The following CELF2 variants were observed in gnomAD, a reference collection of about 807,000 sequenced individuals.
The protein encoded by CELF2 is CUGBP Elav-like family member 2.
In CELF2, 8 loss-of-function variants were observed where a neutral mutation model predicts 62.6. The ratio of observed to expected loss-of-function variants is 0.13; its 90% confidence interval spans 0.07 to 0.23. CELF2 has a LOEUF of 0.23. Ranked by LOEUF, CELF2 falls within the 10% of genes least tolerant of loss-of-function variation. The pLI is 1.00. For synonymous variants in CELF2, 258 were observed against 250.0 expected (o/e 1.03, Z -0.30); for missense variants, 333 against 671.0 (o/e 0.50, Z 5.56).
the CELF2 span, among the ~76,000 whole-genome samples, chr10:10,703,574 T>C: frequency 6.6e-6 from 1 of 152,338 alleles, no homozygotes; most frequent in East Asian, 1.9e-4. Flanking sequence ...AATCATCAAT[T>C]AAAGCAGAAT....
chr10:11,005,548 AG>A lies in CELF2; in HGVS notation c.53+114del. 3 of 1,525,592 alleles carry A rather than the reference AG, an allele frequency of 2.0e-6. No individual in the cohort carries two copies. The highest frequency in any genetic ancestry group is 1.1e-5 in the South Asian group (1 of 88,442). 94.5% of individuals were successfully genotyped at this position (1,525,592 alleles called of 1,614,324 possible). ...AGTAGCTTCCTTACCTTAGAAGAGA[AG>A]GGGGGAAAAAGAATCTAAAGAGGAA... On this transcript the variant is annotated intron_variant, in intron 1 of 12. Transcript: ENST00000416382. This position sits in a 1 kb window ranked among gnomAD's most constrained non-coding sequence, Gnocchi z 4.3.
chr10:10,690,947 A>G, the CELF2 span, among the ~76,000 whole-genome samples: 1 of 152,060 alleles, frequency 6.6e-6, no homozygotes, highest in African/African-American at 2.4e-5. Flanking sequence ...TTTTTCTTAC[A>G]TTATCTCAGT....
At position 11,197,070 on chromosome 10, in the gene CELF2, G is replaced by GAAAGAAAGAAAGAAA. The variant is rs1329770894; in HGVS notation, c.272-20355_272-20354insAAAGAAAGAAAGAAA. Among the ~76,000 whole-genome samples the GAAAGAAAGAAAGAAA allele has an allele frequency of 7.7e-5, 6 of 78,098 alleles. 1 individual carries two copies. Among genetic ancestry groups the GAAAGAAAGAAAGAAA allele is most frequent in the African/African-American group, 2.9e-4 (5 of 17,302 alleles). The allele number at this position is 78,098 out of a possible 152,430, so 51.2% of individuals were successfully genotyped here. A position where few individuals can be genotyped will look rare whatever the true frequency, so the allele number is the denominator to read the frequency against. On this transcript the variant is annotated intron_variant, in intron 2 of 12. Transcript: ENST00000633077. ...GAAAGAAAGAAAGAAAAGAAAGAAAGGAAAGAAAGAAAGAAGAAAGAAAGA... is the reference window on the plus strand; with the variant it reads ...GAAAGAAAGAAAGAAAAGAAAGAAAGAAAGAAAGAAAGAAAGAAAGAAAGAAAGAAGAAAGAAAGA...
chr10:10,608,094 C>T, the CELF2 span, among the ~76,000 whole-genome samples: 1 of 152,102 alleles, frequency 6.6e-6, no homozygotes, highest in Non-Finnish European at 1.5e-5. Flanking sequence ...CGCCATTGTA[C>T]TCCAGCCTGG....
intron 1 of CELF2, among the ~76,000 whole-genome samples, chr10:10,853,448 C>A (rs926636412): frequency 2.0e-5 from 3 of 151,916 alleles, no homozygotes; most frequent in Admixed American, 1.3e-4. Context: ...AGAGAATCCA[C>A]TGGAAGGTTA....
the CELF2 span, among the ~76,000 whole-genome samples, chr10:10,770,592 C>T: frequency 7.9e-5 from 12 of 152,002 alleles, no homozygotes; most frequent in African/African-American, 2.4e-4. Flanking sequence ...AGACTGTGGC[C>T]AGAAAGTAAA....
At chr10:10,618,923 AT>A in the CELF2 span, among the ~76,000 whole-genome samples, 1 of 152,156 alleles carries the variant, frequency 6.6e-6, no homozygotes, top group African/African-American at 2.4e-5. Context: ...GGCATGAGAG[AT>A]TAGTTGAACC....
At chr10:11,099,884 C>CAAAAAAAAA (rs869282674) in intron 1 of CELF2, among the ~76,000 whole-genome samples, 3 of 93,510 alleles carry the variant, frequency 3.2e-5, no homozygotes, top group Admixed American at 9.5e-5. Context: ...ACAACAACAA[C>CAAAAAAAAA]AAAAAAAAAA....
At position 10,983,176 on chromosome 10, in the gene CELF2, T is replaced by A. The variant is rs1277515761; in HGVS notation, c.89+63177T>A. 6.6e-6 allele frequency among the ~76,000 whole-genome samples: 1 copy of A among 152,146 alleles called. No homozygotes were observed. The highest frequency in any genetic ancestry group is 2.4e-5 in the African/African-American group (1 of 41,438). On this transcript the variant is annotated intron_variant, in intron 2 of 13. Transcript: ENST00000636488. The surrounding 1 kb of genome is among the most constrained non-coding windows in gnomAD (Gnocchi z 5.2). ...TTTTCAGAAGGCAAGTTCAGACACA[T>A]AGGTTTATACAAGATGAAAATATTA...
chr10:10,741,205 AT>A, the CELF2 span, among the ~76,000 whole-genome samples: 163 of 152,270 alleles, frequency 1.1e-3, no homozygotes, highest in African/African-American at 3.8e-3. Flanking sequence ...AATACACACA[AT>A]AAAATCAACT....
At chr10:11,197,000 A>G (rs1023665049) in intron 2 of CELF2, among the ~76,000 whole-genome samples, 1 of 37,006 alleles carries the variant, frequency 2.7e-5, no homozygotes, top group African/African-American at 1.2e-4. Flanking sequence ...AAAGGAAGGA[A>G]GGAGAAAGAA....
chr10:10,874,728 A>C, intron 1 of CELF2, among the ~76,000 whole-genome samples: 1 of 152,320 alleles, frequency 6.6e-6, no homozygotes, highest in Middle Eastern at 3.4e-3. Context: ...AAAATCATTT[A>C]ATAAAAATAA....
chr10:10,518,570 C>T, the CELF2 span, among the ~76,000 whole-genome samples: 1 of 152,118 alleles, frequency 6.6e-6, no homozygotes, highest in Non-Finnish European at 1.5e-5. Flanking sequence ...ATCTTAGCTG[C>T]AAAGTATTAA....
At chr10:11,149,174 G>T (rs1164807331) in intron 1 of CELF2, among the ~76,000 whole-genome samples, 1 of 152,128 alleles carries the variant, frequency 6.6e-6, no homozygotes, top group East Asian at 1.9e-4. Context: ...GTGTTCAAGC[G>T]ATTCTCATGC....
chr10:11,144,511 A>T (rs1436708164), intron 1 of CELF2, among the ~76,000 whole-genome samples: 1 of 152,060 alleles, frequency 6.6e-6, no homozygotes, highest in Non-Finnish European at 1.5e-5. Flanking sequence ...ATTGGTGTTG[A>T]GAAAGCAGAT....
intron 1 of CELF2, among the ~76,000 whole-genome samples, chr10:11,113,325 T>G (rs2055706374): frequency 1.3e-5 from 2 of 152,202 alleles, no homozygotes; most frequent in African/African-American, 4.8e-5. Context: ...ATCATCAGCA[T>G]CATCATTGCT....
At chr10:10,986,004 T>G (rs1317673650) in intron 2 of CELF2, among the ~76,000 whole-genome samples, 2 of 152,194 alleles carry the variant, frequency 1.3e-5, no homozygotes, top group African/African-American at 4.8e-5. Context: ...AGTTACATGT[T>G]GAGATGAAAA....
At chr10:10,508,899 C>A in the CELF2 span, among the ~76,000 whole-genome samples, 1,383 of 152,198 alleles carry the variant, frequency 9.1e-3, 17 homozygotes, top group African/African-American at 0.031. Context: ...TGGTCTTGAA[C>A]TCCTGACCTC....
Position 10,918,858 on chromosome 10 carries a change from A to C in CELF2, c.54-1106A>C, listed in dbSNP as rs577310677. Among the ~76,000 whole-genome samples, 161 of 151,216 alleles carry C rather than the reference A, an allele frequency of 1.1e-3. 2 individuals are homozygous for C. Among genetic ancestry groups the C allele is most frequent in the Middle Eastern group, 3.4e-3 (1 of 294 alleles). ...TTATACCATTGTTCCTAAGAATTCC[A>C]CCTTTAATCCCTTGAAGTTGAGCCC... On this transcript the variant is annotated intron_variant, in intron 1 of 13. Transcript: ENST00000636488.
Sources: allele counts gnomAD v4.1 joint callset (sites outside exome capture counted in the v4.1 genomes callset), GRCh38; gene constraint gnomAD v4.1.1; non-coding constraint Gnocchi (gnomAD v3.1); transcripts MANE v1.5; gene names NCBI Gene and HGNC (gene_info 2026-07-23, HGNC 2026-07-21).